TANC2: variants seen among roughly 807,000 people sequenced by gnomAD.
TANC2 encodes the protein tetratricopeptide repeat, ankyrin repeat and coiled-coil containing 2.
A neutral mutation model predicts 210.5 loss-of-function variants in TANC2; 26 were observed. That is an observed-to-expected ratio of 0.12 (90% CI 0.09 to 0.17). The LOEUF (loss-of-function observed/expected upper bound fraction) is 0.17, where lower values mean the gene tolerates loss of function less well. Ranked by LOEUF, TANC2 falls within the 10% of genes least tolerant of loss-of-function variation. TANC2 has a pLI of 1.00. For synonymous variants in TANC2, 931 were observed against 967.1 expected, an observed-to-expected ratio of 0.96 and a Z score of 0.69; for missense variants, 2,129 against 2,608.9, an observed-to-expected ratio of 0.82 and a Z score of 4.01.
intron 1 of TANC2, among the ~76,000 whole-genome samples, chr17:63,000,556 A>G (rs528659592): frequency 6.6e-6 from 1 of 152,200 alleles, no homozygotes; most frequent in African/African-American, 2.4e-5. Flanking sequence ...TGTCACAAAC[A>G]TAAAAGCTTA....
chr17:63,249,684 C>G lies in TANC2; in HGVS notation c.1033+11607C>G, dbSNP rs143937967. On this transcript the variant is annotated intron_variant, in intron 8 of 27. Transcript: ENST00000689528. ...CTAGGGGGATTTAAGCAAACCCAAT[C>G]AGAAACTTTTAATAGAGATTTTGCA... Among the ~76,000 whole-genome samples, 203 of 152,220 alleles carry G rather than the reference C, an allele frequency of 1.3e-3. 3 individuals carry two copies. Among genetic ancestry groups the G allele is most frequent in the African/African-American group, 4.8e-3 (198 of 41,524 alleles).
intron 6 of TANC2, among the ~76,000 whole-genome samples, chr17:63,200,461 C>T (rs566221140): frequency 6.6e-6 from 1 of 151,092 alleles, no homozygotes; most frequent in Non-Finnish European, 1.5e-5. Context: ...CTTGCAATAG[C>T]AGGGAGAACT....
chr17:62,972,321 A>G (rs2031746791), intron 1 of TANC2, among the ~76,000 whole-genome samples: 1 of 152,202 alleles, frequency 6.6e-6, no homozygotes, highest in Non-Finnish European at 1.5e-5. Flanking sequence ...TACTAAATTT[A>G]AGAGTCAAAA....
At chr17:63,218,050 G>T (rs993935891) in intron 7 of TANC2, among the ~76,000 whole-genome samples, 11 of 152,118 alleles carry the variant, frequency 7.2e-5, no homozygotes, top group African/African-American at 2.7e-4. Context: ...TTGGGAGGTC[G>T]AGGTAGGAGG....
rs2048934234 is a variant in TANC2, at chr17:63,418,526, A to G, written c.4268+119A>G. 2.3e-6 allele frequency: 2 copies of G among 869,716 alleles called. No individual in the cohort carries two copies. Among genetic ancestry groups the G allele is most frequent in the African/African-American group, 1.7e-5 (1 of 59,132 alleles). 53.9% of individuals were successfully genotyped at this position (869,716 alleles called of 1,614,324 possible). On this transcript the variant is annotated intron_variant, in intron 27 of 27. Transcript: ENST00000689528. This position sits in a 1 kb window ranked among gnomAD's most constrained non-coding sequence, Gnocchi z 4.6. ...TACATCTCTGTCCTTGAGAACTGTC[A>G]GGGCCAAGCTTTGGGGATGGCTCCC...
chr17:63,343,891 G>A (rs2046317515), intron 12 of TANC2, among the ~76,000 whole-genome samples: 1 of 152,150 alleles, frequency 6.6e-6, no homozygotes, highest in Non-Finnish European at 1.5e-5. Flanking sequence ...ATGAGACCTG[G>A]TCTCAAAAAG....
intron 8 of TANC2, among the ~76,000 whole-genome samples, chr17:63,260,924 T>A (rs2043337372): frequency 6.6e-6 from 1 of 152,092 alleles, no homozygotes; most frequent in Non-Finnish European, 1.5e-5. Context: ...GAATAAGGGT[T>A]GAATTTGATA....
At chr17:63,251,711 A>G (rs1017636220) in intron 8 of TANC2, among the ~76,000 whole-genome samples, 2 of 152,280 alleles carry the variant, frequency 1.3e-5, no homozygotes. Flanking sequence ...CCCCAGAGCT[A>G]TTGCATTTGA....
chr17:63,285,780 G>A (rs2044202219), intron 9 of TANC2, among the ~76,000 whole-genome samples: 1 of 152,110 alleles, frequency 6.6e-6, no homozygotes, highest in South Asian at 2.1e-4. Flanking sequence ...GATTTTTATT[G>A]GCGTGTGGTC....
intron 6 of TANC2, among the ~76,000 whole-genome samples, chr17:63,195,057 TGA>T (rs1278331631): frequency 6.6e-6 from 1 of 152,174 alleles, no homozygotes; most frequent in African/African-American, 2.4e-5. Context: ...TTTGTTACAA[TGA>T]GATATACAAG....
chr17:63,387,194 G>T (rs1417951775), intron 15 of TANC2, among the ~76,000 whole-genome samples: 4 of 151,916 alleles, frequency 2.6e-5, no homozygotes, highest in Non-Finnish European at 5.9e-5. Context: ...TTAATTTTTG[G>T]TTGCATCAGA....
chr17:63,064,850 ATCTAATGTC>A (rs2036138440), intron 2 of TANC2, among the ~76,000 whole-genome samples: 1 of 151,734 alleles, frequency 6.6e-6, no homozygotes, highest in African/African-American at 2.4e-5. Context: ...TAGTTAACCT[ATCTAATGTC>A]TCAAACTTTT....
At chr17:63,004,485 A>G (rs1026911308) in intron 1 of TANC2, among the ~76,000 whole-genome samples, 2 of 152,080 alleles carry the variant, frequency 1.3e-5, no homozygotes, top group African/African-American at 4.8e-5. Flanking sequence ...AGAAGGGAAA[A>G]GGTGTTTTCC....
chr17:63,254,747 C>T (rs2043141690), intron 8 of TANC2, among the ~76,000 whole-genome samples: 1 of 152,082 alleles, frequency 6.6e-6, no homozygotes, highest in Admixed American at 6.6e-5. Context: ...TTATTTTTGT[C>T]CTTCATTCTA....
At chr17:63,209,980 A>C (rs2041836440) in intron 7 of TANC2, among the ~76,000 whole-genome samples, 1 of 152,238 alleles carries the variant, frequency 6.6e-6, no homozygotes, top group Non-Finnish European at 1.5e-5. Flanking sequence ...TTGCATTCCT[A>C]GAACCACGTG....
chr17:63,063,055 C>G (rs2036052658), intron 2 of TANC2, among the ~76,000 whole-genome samples: 2 of 152,338 alleles, frequency 1.3e-5, no homozygotes, highest in South Asian at 4.1e-4. Flanking sequence ...CCCACAACCC[C>G]TTCCTCAGGT....
intron 2 of TANC2, among the ~76,000 whole-genome samples, chr17:63,069,477 C>T (rs1024131173): frequency 6.6e-5 from 10 of 152,034 alleles, no homozygotes; most frequent in Admixed American, 6.6e-4. Context: ...CTCATTTGAA[C>T]CTCACAACAG....
chr17:63,320,159 G>A (rs761198525), intron 11 of TANC2, among the ~76,000 whole-genome samples: 1 of 152,058 alleles, frequency 6.6e-6, no homozygotes, highest in Non-Finnish European at 1.5e-5. Context: ...CTTCTTGAAC[G>A]ATTTTGTTTT....
chr17:63,066,790 T>C (rs2036215770), intron 2 of TANC2, among the ~76,000 whole-genome samples: 1 of 151,960 alleles, frequency 6.6e-6, no homozygotes, highest in Non-Finnish European at 1.5e-5. Context: ...CAGACACAGA[T>C]ATAGTCATGA....
Sources: gnomAD v4.1 joint callset for allele counts (sites outside exome capture counted in the v4.1 genomes callset) on GRCh38, gnomAD v4.1.1 for gene constraint, Gnocchi (gnomAD v3.1) non-coding constraint, MANE v1.5 for transcripts, NCBI Gene and HGNC (gene_info 2026-07-23, HGNC 2026-07-21) for gene names.